MINDY4B: variants seen among roughly 807,000 people sequenced by gnomAD.
The protein encoded by MINDY4B is MINDY family member 4B.
Under a neutral mutation model 16.7 loss-of-function variants are expected in MINDY4B, and 25 were observed. The observed-to-expected ratio is 1.49, with a 90% CI of 1.09 to 2.09. MINDY4B has a LOEUF of 2.09. MINDY4B is among the 30% of genes most tolerant of loss of function. The pLI is 0.00. For synonymous variants in MINDY4B, 132 were observed against 61.9 expected (o/e 2.13, Z -5.32); for missense variants, 327 against 168.4 (o/e 1.94, Z -5.21).
chr3:150,899,894 T>C (rs1712075214), intron 3 of MINDY4B, among the ~76,000 whole-genome samples: 1 of 152,238 alleles, frequency 6.6e-6, no homozygotes, highest in Non-Finnish European at 1.5e-5. Context: ...CTGCCTATTA[T>C]CCCATTTCAG....
At chr3:150,882,696 A>G (rs1711541587) in intron 10 of MINDY4B, among the ~76,000 whole-genome samples, 1 of 152,196 alleles carries the variant, frequency 6.6e-6, no homozygotes, top group Non-Finnish European at 1.5e-5. Context: ...AAATATGTAA[A>G]ATAAAATATG....
intron 3 of MINDY4B, among the ~76,000 whole-genome samples, chr3:150,899,376 G>A (rs1712056075): frequency 6.6e-6 from 1 of 152,218 alleles, no homozygotes; most frequent in Non-Finnish European, 1.5e-5. Context: ...TATTTATAAA[G>A]ATGTGGGCTC....
At chr3:150,891,508 TC>T (rs1182413735) in intron 5 of MINDY4B, among the ~76,000 whole-genome samples, 1 of 152,154 alleles carries the variant, frequency 6.6e-6, no homozygotes, top group Non-Finnish European at 1.5e-5. Flanking sequence ...ATGCCTGTAA[TC>T]CCAGTACTTT....
chr3:150,873,167 C>T lies in MINDY4B; in HGVS notation c.1240+20G>A, dbSNP rs2107893394. 2.9e-6 allele frequency: 2 copies of T among 698,054 alleles called. No individual in the cohort carries two copies. The highest frequency in any genetic ancestry group is 5.2e-6 in the Non-Finnish European group (2 of 381,956). The allele number at this position is 698,054 out of a possible 1,614,324, so 43.2% of individuals were successfully genotyped here. On this transcript the variant is annotated intron_variant, in intron 11 of 11. Transcript: ENST00000465419. ...TTGAGCACATTAAAATCCACAACAC[C>T]TGGAGTCTGAAATGCTCACCTATTG... is the stretch of plus-strand genomic sequence containing the variant.
chr3:150,884,018 C>CTG (rs1408125520), intron 8 of MINDY4B, among the ~76,000 whole-genome samples: 1 of 152,172 alleles, frequency 6.6e-6, no homozygotes, highest in Non-Finnish European at 1.5e-5. Flanking sequence ...GTTCGAATCC[C>CTG]TGTGTGTGTG....
At chr3:150,891,783 A>T (rs1252364848) in intron 5 of MINDY4B, among the ~76,000 whole-genome samples, 1 of 140,686 alleles carries the variant, frequency 7.1e-6, no homozygotes, top group East Asian at 2.1e-4. Context: ...AAAAAAAAAA[A>T]AGTCAAGGAG....
intron 3 of MINDY4B, among the ~76,000 whole-genome samples, chr3:150,896,733 T>C (rs183636274): frequency 1.3e-5 from 2 of 152,292 alleles, no homozygotes; most frequent in African/African-American, 4.8e-5. Flanking sequence ...ATGTGAACCG[T>C]CTGTGAGTGT....
intron 10 of MINDY4B, among the ~76,000 whole-genome samples, chr3:150,880,879 G>T (rs1711516122): frequency 6.6e-6 from 1 of 152,156 alleles, no homozygotes; most frequent in African/African-American, 2.4e-5. Flanking sequence ...ACACGTGGTT[G>T]AAAGAAAAGA....
intron 7 of MINDY4B, among the ~76,000 whole-genome samples, chr3:150,889,231 G>C (rs1711705303): frequency 6.6e-6 from 1 of 152,224 alleles, no homozygotes; most frequent in African/African-American, 2.4e-5. Flanking sequence ...ATGTCAGCAG[G>C]GCAGCTTCCC....
At chr3:150,885,332 A>G (rs1711593960) in intron 8 of MINDY4B, 36 bp downstream of exon 8, 1 of 700,992 alleles carries the variant, frequency 1.4e-6, no homozygotes, top group South Asian at 1.5e-5. Context: ...TCCCAATCCT[A>G]TAGAAAATAC....
At position 150,882,099 on chromosome 3, in the gene MINDY4B, C is replaced by T. The variant is rs73019275; in HGVS notation, c.1059+798G>A. Among the ~76,000 whole-genome samples, 878 of 152,300 alleles carry T rather than the reference C, an allele frequency of 5.8e-3. 9 individuals carry two copies. Among genetic ancestry groups the T allele is most frequent in the African/African-American group, 0.02 (830 of 41,562 alleles). ...CATCCTCCATCAAATTGAATGACAT[C>T]TGAACTGGTTTCAAGGCCATTCCAG... On this transcript the variant is annotated intron_variant, in intron 10 of 11. Coordinates refer to ENST00000465419, the MANE Select transcript of MINDY4B (RefSeq NM_001351281.2).
chr3:150,870,709 C>T lies in MINDY4B; in HGVS notation c.*336G>A, dbSNP rs1379631784. ...GCTAGCAGCCTGCTTCCGTAATCCT[C>T]ATGGAGAGTTATACCAAGAAAAGAC... On this transcript the variant is annotated 3_prime_UTR_variant, in exon 12 of 12. Coordinates refer to ENST00000465419, the MANE Select transcript of MINDY4B (RefSeq NM_001351281.2). Among the ~76,000 whole-genome samples, 3 of 152,210 alleles carry T rather than the reference C, an allele frequency of 2.0e-5. No homozygotes were observed. The highest frequency in any genetic ancestry group is 7.2e-5 in the African/African-American group (3 of 41,448).
At chr3:150,883,930 A>G (rs149098806) in intron 8 of MINDY4B, among the ~76,000 whole-genome samples, 158 bp from the exon 9 acceptor site, 191 of 152,308 alleles carry the variant, frequency 1.3e-3, no homozygotes, top group African/African-American at 3.8e-3. Flanking sequence ...AAGCCTCTAG[A>G]TCTGGGGTTG....
intron 6 of MINDY4B, chr3:150,890,627 A>G: frequency 2.0e-6 from 1 of 491,094 alleles, no homozygotes. Context: ...CAGTAAAACT[A>G]GAAAGAGATT....
At chr3:150,893,754 GC>G (rs1711886658) in intron 4 of MINDY4B, among the ~76,000 whole-genome samples, 1 of 150,936 alleles carries the variant, frequency 6.6e-6, no homozygotes, top group South Asian at 2.1e-4. Flanking sequence ...GCAGTGGCCT[GC>G]CCTCATCTCA....
chr3:150,900,610 A>G (rs1251139625), intron 3 of MINDY4B, among the ~76,000 whole-genome samples: 2 of 152,238 alleles, frequency 1.3e-5, no homozygotes, highest in African/African-American at 4.8e-5. Context: ...CATCTGGCCC[A>G]TATAATGGGA....
At chr3:150,885,540 C>T in intron 7 of MINDY4B, 102 bp from the exon 8 acceptor site, 5 of 665,532 alleles carry the variant, frequency 7.5e-6, no homozygotes, top group Non-Finnish European at 2.7e-6. Context: ...AGAATTTTTT[C>T]CCCCTGGCTG....
At chr3:150,874,493 T>C (rs1717046146) in intron 10 of MINDY4B, among the ~76,000 whole-genome samples, 1 of 152,170 alleles carries the variant, frequency 6.6e-6, no homozygotes, top group South Asian at 2.1e-4. Flanking sequence ...CAAAATTTAT[T>C]GAAACTGTTT....
At chr3:150,899,770 G>A (rs768091864) in intron 3 of MINDY4B, among the ~76,000 whole-genome samples, 18 of 152,156 alleles carry the variant, frequency 1.2e-4, no homozygotes, top group Non-Finnish European at 2.5e-4. Flanking sequence ...TCTGAGGTGC[G>A]CTAGAGGATT....
Sources: allele counts gnomAD v4.1 joint callset (sites outside exome capture counted in the v4.1 genomes callset), GRCh38; gene constraint gnomAD v4.1.1; transcripts MANE v1.5; gene names NCBI Gene and HGNC (gene_info 2026-07-23, HGNC 2026-07-21).